Variants in DNAJC13 observed in about 807,000 individuals in gnomAD.
The protein encoded by DNAJC13 is DnaJ heat shock protein family (Hsp40) member C13, also known as dnaJ homolog subfamily C member 13.
DNAJC13 carries 75 observed loss-of-function variants against 290.5 expected under a neutral mutation model. That is an observed-to-expected ratio of 0.26 (90% confidence interval 0.21 to 0.31). The LOEUF is 0.31. Ranked by LOEUF, DNAJC13 falls within the 10% of genes least tolerant of loss-of-function variation. DNAJC13 has a pLI of 1.00. For missense variants in DNAJC13, 2,260 were observed against 2,674.5 expected, an observed-to-expected ratio of 0.85 and a Z score of 3.42; for synonymous variants, 862 against 892.0, an observed-to-expected ratio of 0.97 and a Z score of 0.60.
intron 43 of DNAJC13, among the ~76,000 whole-genome samples, chr3:132,508,913 T>C (rs1935684108): frequency 6.6e-6 from 1 of 152,188 alleles, no homozygotes; most frequent in Non-Finnish European, 1.5e-5. Context: ...AAAAAAGAGC[T>C]TTCAAAATAC....
chr3:132,510,658 A>G (rs990959988), intron 43 of DNAJC13, among the ~76,000 whole-genome samples: 2 of 152,208 alleles, frequency 1.3e-5, no homozygotes, highest in African/African-American at 4.8e-5. Flanking sequence ...AGAGTAATAT[A>G]TATGTAAATA....
At chr3:132,454,217 A>G (rs1933512273) in intron 9 of DNAJC13, 60 bp downstream of exon 9, 1 of 1,178,184 alleles carries the variant, frequency 8.5e-7, no homozygotes, top group Admixed American at 2.3e-5. Context: ...TGCTTGGTCA[A>G]CAAGGAAAAC....
chr3:132,501,483 C>T (rs1935410904), intron 39 of DNAJC13, among the ~76,000 whole-genome samples: 2 of 151,790 alleles, frequency 1.3e-5, no homozygotes, highest in African/African-American at 2.4e-5. Context: ...CCCTATGTTT[C>T]TGTGGCTAGT....
chr3:132,443,137 G>A (rs898018224), intron 2 of DNAJC13, among the ~76,000 whole-genome samples: 1 of 152,136 alleles, frequency 6.6e-6, no homozygotes, highest in African/African-American at 2.4e-5. Context: ...TTGGGACACT[G>A]TTGACTTAGT....
chr3:132,482,359 A>C, intron 27 of DNAJC13, 29 bp downstream of exon 27: 1 of 1,570,790 alleles, frequency 6.4e-7, no homozygotes, highest in Non-Finnish European at 8.7e-7. Context: ...CTTTTGGTGA[A>C]GGTCTCAGCA....
chr3:132,502,232 CTTT>C (rs11293788), intron 39 of DNAJC13, 54 bp from the exon 40 acceptor site: 29,114 of 1,126,820 alleles, frequency 0.026, no homozygotes, highest in South Asian at 0.042. Flanking sequence ...CTCTTGGGAG[CTTT>C]TTTTTTTTTT....
At chr3:132,435,505 T>C (rs1939363358) in intron 2 of DNAJC13, among the ~76,000 whole-genome samples, 1 of 152,262 alleles carries the variant, frequency 6.6e-6, no homozygotes, top group African/African-American at 2.4e-5. Flanking sequence ...CTAGTATTTC[T>C]GGTTTGCATT....
intron 20 of DNAJC13, among the ~76,000 whole-genome samples, chr3:132,467,933 C>T (rs897779141): frequency 6.6e-6 from 1 of 151,980 alleles, no homozygotes; most frequent in African/African-American, 2.4e-5. Flanking sequence ...TTATTTTCTT[C>T]CCTTCTTCTC....
chr3:132,471,246 G>A, intron 20 of DNAJC13, among the ~76,000 whole-genome samples: 1 of 131,602 alleles, frequency 7.6e-6, no homozygotes, highest in Non-Finnish European at 1.6e-5. Context: ...GCGGGGGGCT[G>A]ACCCCCCCAC....
At chr3:132,504,794 A>G (rs1489293915) in intron 41 of DNAJC13, among the ~76,000 whole-genome samples, 1 of 152,224 alleles carries the variant, frequency 6.6e-6, no homozygotes, top group Non-Finnish European at 1.5e-5. Context: ...CTATGCCTGC[A>G]GAAGGACTAC....
In DNAJC13 at chr3:132,526,199, A is replaced by G. The variant is rs766794923; in HGVS notation, c.6299A>G (p.Lys2100Arg). 3 of 1,614,158 alleles carry G rather than the reference A, an allele frequency of 1.9e-6. No homozygotes were observed. Among genetic ancestry groups the G allele is most frequent in the Non-Finnish European group, 2.5e-6 (3 of 1,180,008 alleles). The change falls in exon 53 of 56, where the codon AAA (lysine) becomes AGA (arginine). Residue 2100 changes from lysine to arginine, a missense_variant. This residue lies in a region of DNAJC13 where 1,494 missense variants were observed against 1,693.7 expected (regional missense o/e 0.88). Transcript: ENST00000260818. Reference protein sequence around the residue: ...ETIGPLMNGMKKRADTVGLAC... With the variant: ...ETIGPLMNGMRKRADTVGLAC... ...ATTGGCCCACTGATGAATGGAATGA[A>G]AAAGCGAGCAGATACTGTTGGTCTA... is the stretch of plus-strand genomic sequence containing the variant.
At chr3:132,534,253 G>T (rs931002126) in intron 55 of DNAJC13, among the ~76,000 whole-genome samples, 1 of 152,158 alleles carries the variant, frequency 6.6e-6, no homozygotes, top group Admixed American at 6.5e-5. Context: ...TGTAAGCATT[G>T]TTGACCCCAG....
intron 35 of DNAJC13, among the ~76,000 whole-genome samples, chr3:132,496,247 C>A (rs1414494275): frequency 6.6e-6 from 1 of 151,998 alleles, no homozygotes; most frequent in Non-Finnish European, 1.5e-5. Context: ...GACGCAAACT[C>A]TCTCTAGTAT....
chr3:132,434,772 A>T (rs922094945), intron 2 of DNAJC13, among the ~76,000 whole-genome samples, 154 bp downstream of exon 2: 2 of 151,540 alleles, frequency 1.3e-5, no homozygotes, highest in Admixed American at 6.6e-5. Flanking sequence ...TGCTACATGT[A>T]TTTTTTTTTC....
At chr3:132,445,731 AATTTTGTTTTATAT>A (rs1291123120) in intron 2 of DNAJC13, among the ~76,000 whole-genome samples, 1 of 151,960 alleles carries the variant, frequency 6.6e-6, no homozygotes, top group African/African-American at 2.4e-5. Flanking sequence ...TGTTTTCCTT[AATTTTGTTTTATAT>A]ATACTAATGT....
intron 12 of DNAJC13, 106 bp downstream of exon 12, chr3:132,456,938 T>C: frequency 8.0e-7 from 1 of 1,247,032 alleles, no homozygotes; most frequent in Non-Finnish European, 1.1e-6. Context: ...CAGATACCTT[T>C]TATAGGGTGA....
intron 33 of DNAJC13, 83 bp from the exon 34 acceptor site, chr3:132,494,060 AT>A: frequency 1.1e-6 from 1 of 945,404 alleles, no homozygotes; most frequent in Non-Finnish European, 1.6e-6. Flanking sequence ...ATTTAAATAA[AT>A]ACAGCACAAT....
rs1553748717 is a variant in DNAJC13 at position 132,488,356 on chromosome 3, T to C, written c.3326T>C (p.Ile1109Thr). 1.2e-6 allele frequency: 2 copies of C among 1,613,724 alleles called. No homozygotes were observed. The highest frequency in any genetic ancestry group is 1.7e-6 in the Non-Finnish European group (2 of 1,179,788). Residue 1109 changes from isoleucine (I) to threonine (T), a missense_variant, in exon 30 of 56, where the codon ATC becomes ACC. Coordinates refer to ENST00000260818, the MANE Select transcript of DNAJC13 (RefSeq NM_015268.4). ...VEKVAILLYH[I>T]MQDNPQLPRL... ...AAGGTTGCTATTTTGTTATACCATA[T>C]CATGCAAGATAACCCACAGTTACCC...
chr3:132,419,711 CAGATAAACTGCAGCACA>C (rs1938901341), intron 1 of DNAJC13, among the ~76,000 whole-genome samples: 1 of 152,148 alleles, frequency 6.6e-6, no homozygotes, highest in Non-Finnish European at 1.5e-5. Flanking sequence ...CAAGGCTGTG[CAGATAAACTGCAGCACA>C]AATTTGGTTG....
Sources: allele counts gnomAD v4.1 joint callset (sites outside exome capture counted in the v4.1 genomes callset), GRCh38; gene constraint gnomAD v4.1.1; regional missense constraint gnomAD v4.1.1; transcripts MANE v1.5; gene names NCBI Gene and HGNC (gene_info 2026-07-23, HGNC 2026-07-21).